NAALADL2: variants seen among roughly 807,000 people sequenced by gnomAD.
NAALADL2 encodes N-acetylated alpha-linked acidic dipeptidase like 2.
NAALADL2 carries 76 observed loss-of-function variants against 87.2 expected under a neutral mutation model. The ratio of observed to expected loss-of-function variants is 0.87; its 90% confidence interval spans 0.72 to 1.05. NAALADL2 has a LOEUF of 1.05. Among genes scored for constraint, NAALADL2 ranks in the 50% least tolerant of loss-of-function variants. The probability of loss-of-function intolerance (pLI) is 0.00; values close to 1 mark genes in which losing one functional copy is unlikely to be tolerated. For synonymous variants in NAALADL2, 354 were observed against 331.0 expected (o/e 1.07, Z -0.75); for missense variants, 1,089 against 945.8 (o/e 1.15, Z -1.99).
chr3:175,332,447 T>C (rs114257574), intron 5 of NAALADL2, among the ~76,000 whole-genome samples: 3 of 152,262 alleles, frequency 2.0e-5, no homozygotes, highest in Admixed American at 6.5e-5. Flanking sequence ...ACCAAAGGGA[T>C]GTGCCACCAT....
At chr3:175,448,053 C>T (rs554011810) in intron 6 of NAALADL2, among the ~76,000 whole-genome samples, 41 of 152,270 alleles carry the variant, frequency 2.7e-4, no homozygotes, top group Middle Eastern at 6.8e-3. Context: ...TGTGTCCAGA[C>T]CTCTGGGTTC....
At chr3:175,658,663 T>C (rs1731836378) in intron 11 of NAALADL2, among the ~76,000 whole-genome samples, 3 of 152,200 alleles carry the variant, frequency 2.0e-5, no homozygotes, top group African/African-American at 7.2e-5. Context: ...GGATATGTAT[T>C]GTTCCTCAAA....
At chr3:174,475,984 C>T (rs1237092072) in intron 1 of NAALADL2, among the ~76,000 whole-genome samples, 1 of 151,988 alleles carries the variant, frequency 6.6e-6, no homozygotes, top group Non-Finnish European at 1.5e-5. Context: ...GAGGGGAAAA[C>T]ATAACACTGT....
At chr3:175,434,437 A>G (rs907965007) in intron 5 of NAALADL2, among the ~76,000 whole-genome samples, 2 of 152,018 alleles carry the variant, frequency 1.3e-5, no homozygotes, top group Non-Finnish European at 2.9e-5. Context: ...TCTGAGAAGT[A>G]CTTCATATAT....
intron 10 of NAALADL2, among the ~76,000 whole-genome samples, chr3:175,605,402 T>C (rs1479566138): frequency 1.3e-5 from 2 of 152,106 alleles, no homozygotes; most frequent in Non-Finnish European, 2.9e-5. Context: ...TTGCAGTGCA[T>C]CAGCAGGAAG....
intron 4 of NAALADL2, among the ~76,000 whole-genome samples, chr3:175,320,071 A>G (rs1193785435): frequency 1.3e-5 from 2 of 152,188 alleles, no homozygotes; most frequent in Admixed American, 6.5e-5. Flanking sequence ...GTGACTGCCT[A>G]TATTGAATAT....
chr3:175,746,577 A>G (rs1490195300), intron 12 of NAALADL2, among the ~76,000 whole-genome samples: 11 of 152,158 alleles, frequency 7.2e-5, no homozygotes, highest in Non-Finnish European at 4.4e-5. Context: ...CAGCCTGACT[A>G]AAATCCAGAC....
chr3:174,809,510 C>G (rs1449591846), intron 3 of NAALADL2, among the ~76,000 whole-genome samples: 1 of 152,074 alleles, frequency 6.6e-6, no homozygotes, highest in Non-Finnish European at 1.5e-5. Flanking sequence ...TCTATAGTGA[C>G]CAAATGCTTA....
intron 5 of NAALADL2, among the ~76,000 whole-genome samples, chr3:175,359,322 A>G (rs1488581444): frequency 6.6e-6 from 1 of 152,060 alleles, no homozygotes. Context: ...GACAAATACC[A>G]CTTGAATTAA....
intron 2 of NAALADL2, among the ~76,000 whole-genome samples, chr3:174,683,559 G>A (rs1727752698): frequency 6.6e-6 from 1 of 151,678 alleles, no homozygotes; most frequent in Non-Finnish European, 1.5e-5. Flanking sequence ...TAATATAGTT[G>A]TTATAGATAG....
At chr3:175,190,527 T>G (rs569710044) in intron 2 of NAALADL2, among the ~76,000 whole-genome samples, 34 of 152,224 alleles carry the variant, frequency 2.2e-4, no homozygotes, top group Non-Finnish European at 4.3e-4. Context: ...GTCTATTATC[T>G]AAAAGTCAAG....
chr3:175,536,050 T>C (rs545999268), intron 9 of NAALADL2, among the ~76,000 whole-genome samples: 2 of 152,346 alleles, frequency 1.3e-5, no homozygotes, highest in East Asian at 3.9e-4. Flanking sequence ...CTTTTTGCAC[T>C]GTTCACAACC....
chr3:174,511,578 A>T (rs1174996442), intron 1 of NAALADL2, among the ~76,000 whole-genome samples: 1 of 151,618 alleles, frequency 6.6e-6, no homozygotes, highest in Non-Finnish European at 1.5e-5. Context: ...TTAGATGGTA[A>T]ATAGTTTTTT....
intron 11 of NAALADL2, among the ~76,000 whole-genome samples, chr3:175,693,140 C>G (rs1352331184): frequency 6.6e-6 from 1 of 152,070 alleles, no homozygotes; most frequent in African/African-American, 2.4e-5. Context: ...TATTTTTCCC[C>G]AACAGTGATG....
At chr3:175,521,581 T>A (rs986826003) in intron 9 of NAALADL2, among the ~76,000 whole-genome samples, 9 of 152,190 alleles carry the variant, frequency 5.9e-5, no homozygotes, top group African/African-American at 2.2e-4. Context: ...TGTAATCAAG[T>A]GAAAATGAGG....
At position 175,572,465 on chromosome 3, in the gene NAALADL2, G is replaced by A. The variant is rs1483036369; in HGVS notation, c.1654-3576G>A. Reference sequence around the variant, plus strand: ...AGAGGCAGCAATATAAACCTTTAGGGAAAAAATTAGACTTTTAAATAAATA... The same window carrying A: ...AGAGGCAGCAATATAAACCTTTAGGAAAAAAATTAGACTTTTAAATAAATA... On this transcript the variant is annotated intron_variant, in intron 9 of 13. Transcript: ENST00000454872. Among the ~76,000 whole-genome samples, 3 of 151,700 alleles carry A rather than the reference G, an allele frequency of 2.0e-5. No homozygotes were observed. The East Asian group carries it at 5.8e-4, about 29-fold the overall frequency.
intron 2 of NAALADL2, among the ~76,000 whole-genome samples, chr3:174,668,169 T>G (rs1178642099): frequency 2.0e-5 from 3 of 152,168 alleles, no homozygotes; most frequent in Admixed American, 1.3e-4. Context: ...TGTCTTCCTT[T>G]GTCTATTTAA....
At chr3:175,348,538 C>T (rs922197370) in intron 5 of NAALADL2, among the ~76,000 whole-genome samples, 1 of 152,096 alleles carries the variant, frequency 6.6e-6, no homozygotes, top group Non-Finnish European at 1.5e-5. Context: ...CATGTTCCCC[C>T]TGAAGGTTCT....
At chr3:175,264,118 C>A (rs897499279) in intron 4 of NAALADL2, among the ~76,000 whole-genome samples, 6 of 151,872 alleles carry the variant, frequency 4.0e-5, no homozygotes, top group African/African-American at 1.4e-4. Context: ...TGAAACACAG[C>A]ATTGCAGGAT....
Sources: allele counts gnomAD v4.1 joint callset (sites outside exome capture counted in the v4.1 genomes callset), GRCh38; gene constraint gnomAD v4.1.1; transcripts MANE v1.5; gene names NCBI Gene and HGNC (gene_info 2026-07-23, HGNC 2026-07-21).